The following DPP6 variants were observed in gnomAD, a reference collection of about 807,000 sequenced individuals.
DPP6 encodes dipeptidyl peptidase like 6, also known as A-type potassium channel modulatory protein DPP6.
A neutral mutation model predicts 122.6 loss-of-function variants in DPP6; 69 were observed. The ratio of observed to expected loss-of-function variants is 0.56; its 90% CI spans 0.46 to 0.69. DPP6 has a LOEUF of 0.69. Among genes scored for constraint, DPP6 ranks in the 30% least tolerant of loss-of-function variants. The probability of loss-of-function intolerance (pLI) is 0.00; values close to 1 mark genes in which losing one functional copy is unlikely to be tolerated. For missense variants in DPP6, 928 were observed against 1,116.9 expected, an observed-to-expected ratio of 0.83 and a Z score of 2.41; for synonymous variants, 418 against 433.1, an observed-to-expected ratio of 0.97 and a Z score of 0.43.
intron 1 of DPP6, among the ~76,000 whole-genome samples, chr7:154,377,050 GT>G (rs1219338145): frequency 6.6e-6 from 1 of 152,118 alleles, no homozygotes; most frequent in Non-Finnish European, 1.5e-5. Context: ...AAACCTAACA[GT>G]TGTTGACTAC....
At chr7:154,147,493 T>TTCCTTC (rs1563247597) in intron 1 of DPP6, among the ~76,000 whole-genome samples, 9 of 142,548 alleles carry the variant, frequency 6.3e-5, no homozygotes, top group African/African-American at 2.2e-4. Flanking sequence ...TTCCTTCCTT[T>TTCCTTC]CTTTTTCTGT....
chr7:154,462,551 A>G (rs1321415355), intron 2 of DPP6, among the ~76,000 whole-genome samples: 1 of 151,980 alleles, frequency 6.6e-6, no homozygotes, highest in East Asian at 1.9e-4. Context: ...AATCTTTTAT[A>G]GTTTTCATTG....
At chr7:154,193,558 C>T (rs1798717727) in intron 1 of DPP6, among the ~76,000 whole-genome samples, 1 of 152,052 alleles carries the variant, frequency 6.6e-6, no homozygotes, top group South Asian at 2.1e-4. Context: ...AGTCTCAGGA[C>T]CGCAGGGCCA....
chr7:153,774,539 G>A, the DPP6 span, among the ~76,000 whole-genome samples: 43 of 151,216 alleles, frequency 2.8e-4, no homozygotes, highest in Non-Finnish European at 4.3e-4. Context: ...CCATCGCCAC[G>A]TGGGTAATTT....
the DPP6 span, among the ~76,000 whole-genome samples, chr7:153,824,456 G>A: frequency 6.6e-6 from 1 of 150,936 alleles, no homozygotes; most frequent in East Asian, 2.0e-4. Context: ...GGAGGCCGAG[G>A]TGGGTGGATC....
intron 13 of DPP6, among the ~76,000 whole-genome samples, chr7:154,803,625 G>T (rs1053114721): frequency 2.0e-5 from 3 of 152,210 alleles, no homozygotes; most frequent in Non-Finnish European, 4.4e-5. Flanking sequence ...AGAGGACAGG[G>T]CACTGTTCCC....
At position 154,480,415 on chromosome 7, in the gene DPP6, C is replaced by T. The variant is rs567352969; in HGVS notation, c.457+5378C>T. On this transcript the variant is annotated intron_variant, in intron 3 of 25. Coordinates refer to ENST00000377770, the MANE Select transcript of DPP6 (RefSeq NM_130797.4). Reference sequence around the variant, plus strand: ...GAGATGACCTCCAGGTTGCTAAATGCAACAGGCATTTCTCAGACCCCAACT... The same window carrying T: ...GAGATGACCTCCAGGTTGCTAAATGTAACAGGCATTTCTCAGACCCCAACT... Among the ~76,000 whole-genome samples the T allele has an allele frequency of 2.0e-5, 3 of 152,320 alleles. No homozygotes were observed. The East Asian group carries it at 5.8e-4, about 29-fold the overall frequency.
intron 1 of DPP6, among the ~76,000 whole-genome samples, chr7:154,039,074 C>T (rs1330542527): frequency 2.9e-5 from 1 of 34,268 alleles, no homozygotes; most frequent in African/African-American, 1.5e-4. Context: ...CAAACTCTCT[C>T]CTACTTTTAC....
At chr7:154,848,443 G>A (rs1802117001) in intron 16 of DPP6, among the ~76,000 whole-genome samples, 1 of 152,012 alleles carries the variant, frequency 6.6e-6, no homozygotes, top group Non-Finnish European at 1.5e-5. Flanking sequence ...TATTTTTCAT[G>A]TATCTATTTT....
At chr7:154,266,771 C>T (rs971783175) in intron 1 of DPP6, among the ~76,000 whole-genome samples, 12 of 152,154 alleles carry the variant, frequency 7.9e-5, no homozygotes, top group South Asian at 6.2e-4. Context: ...TCTGAGGACC[C>T]TGGGGGTACC....
chr7:154,407,931 CT>C (rs921372160), intron 1 of DPP6, among the ~76,000 whole-genome samples: 3 of 152,172 alleles, frequency 2.0e-5, no homozygotes, highest in African/African-American at 2.4e-5. Context: ...TCTAAGCAAC[CT>C]TGTGCAAGAT....
rs139886446 is a variant in DPP6, at chr7:154,481,365, G to C, written c.457+6328G>C. Among the ~76,000 whole-genome samples, 620 of 151,744 alleles carry C rather than the reference G, an allele frequency of 4.1e-3. 6 individuals carry two copies. Among genetic ancestry groups the C allele is most frequent in the African/African-American group, 0.013 (548 of 41,374 alleles). Reference sequence around the variant, plus strand: ...GAGAGGGGTGTGTGTGTGTGTGTGTGTGTGTGTGTCTGTGTGTGTGTGCAT... The same window carrying C: ...GAGAGGGGTGTGTGTGTGTGTGTGTCTGTGTGTGTCTGTGTGTGTGTGCAT... On this transcript the variant is annotated intron_variant, in intron 3 of 25. Transcript: ENST00000377770. The surrounding 1 kb of genome is among the most constrained non-coding windows in gnomAD (Gnocchi z 4.2).
At chr7:154,843,972 T>C (rs1333492966) in intron 16 of DPP6, among the ~76,000 whole-genome samples, 1 of 152,254 alleles carries the variant, frequency 6.6e-6, no homozygotes, top group Non-Finnish European at 1.5e-5. Context: ...CCCCAGCAGC[T>C]AGCACCATGC....
At chr7:153,926,422 A>G (rs956586562) in intron 1 of DPP6, among the ~76,000 whole-genome samples, 6 of 152,216 alleles carry the variant, frequency 3.9e-5, no homozygotes, top group African/African-American at 1.4e-4. Context: ...AATTCGTTAC[A>G]GGAAAGAGGA....
chr7:154,508,305 G>A (rs946269555), intron 3 of DPP6, among the ~76,000 whole-genome samples: 6 of 152,056 alleles, frequency 3.9e-5, no homozygotes, highest in Non-Finnish European at 8.8e-5. Context: ...TCTTTCTCAC[G>A]TTGCAATTAA....
chr7:154,522,698 GA>G (rs11392124), intron 3 of DPP6, among the ~76,000 whole-genome samples: 40 of 151,342 alleles, frequency 2.6e-4, no homozygotes, highest in African/African-American at 6.3e-4. Flanking sequence ...CCAGACACGA[GA>G]AAAAAAAATT....
chr7:153,758,993 C>G, the DPP6 span, among the ~76,000 whole-genome samples: 1 of 151,720 alleles, frequency 6.6e-6, no homozygotes, highest in Non-Finnish European at 1.5e-5. Context: ...ATATTTCTAC[C>G]TGCAGCTTCT....
At chr7:154,276,939 A>T (rs1284122795) in intron 1 of DPP6, among the ~76,000 whole-genome samples, 1 of 152,222 alleles carries the variant, frequency 6.6e-6, no homozygotes, top group Non-Finnish European at 1.5e-5. Flanking sequence ...ATTCTTCTCC[A>T]TAAGGCACAT....
chr7:154,817,694 C>T (rs1484148405), intron 16 of DPP6, among the ~76,000 whole-genome samples: 1 of 152,034 alleles, frequency 6.6e-6, no homozygotes, highest in Non-Finnish European at 1.5e-5. Context: ...TGATTAATGA[C>T]ATGAGCATCA....
Sources: gnomAD v4.1 joint callset for allele counts (sites outside exome capture counted in the v4.1 genomes callset) on GRCh38, gnomAD v4.1.1 for gene constraint, Gnocchi (gnomAD v3.1) non-coding constraint, MANE v1.5 for transcripts, NCBI Gene and HGNC (gene_info 2026-07-23, HGNC 2026-07-21) for gene names.